Variants in DNAH12 observed in about 807,000 individuals in gnomAD.
The protein encoded by DNAH12 is dynein axonemal heavy chain 12, also known as axonemal beta dynein heavy chain 12.
A neutral mutation model predicts 371.5 loss-of-function variants in DNAH12; 285 were observed. The ratio of observed to expected loss-of-function variants is 0.77; its 90% CI spans 0.70 to 0.85. DNAH12 has a LOEUF of 0.85. Ranked by LOEUF, DNAH12 falls within the 40% of genes least tolerant of loss-of-function variation. The pLI is 0.00. For missense variants in DNAH12, 3,611 were observed against 3,689.4 expected, an observed-to-expected ratio of 0.98 and a Z score of 0.55; for synonymous variants, 1,200 against 1,213.0, an observed-to-expected ratio of 0.99 and a Z score of 0.22.
intron 13 of DNAH12, among the ~76,000 whole-genome samples, chr3:57,482,035 C>A (rs1215429063): frequency 6.6e-6 from 1 of 152,108 alleles, no homozygotes; most frequent in Non-Finnish European, 1.5e-5. Context: ...CCTAAAACAC[C>A]AAAAGCAATG....
chr3:57,374,016 T>C (rs2063231313), intron 55 of DNAH12, among the ~76,000 whole-genome samples: 2 of 152,206 alleles, frequency 1.3e-5, no homozygotes, highest in Admixed American at 6.5e-5. Context: ...GATTTCCTTA[T>C]ATCTTTAATT....
chr3:57,514,393 CAA>C (rs768971639), intron 4 of DNAH12, among the ~76,000 whole-genome samples: 2 of 77,154 alleles, frequency 2.6e-5, no homozygotes, highest in Non-Finnish European at 5.4e-5. Context: ...GACTCTGTCT[CAA>C]AAAAAAAAAA....
intron 17 of DNAH12, among the ~76,000 whole-genome samples, chr3:57,466,890 T>C (rs2066218896): frequency 6.6e-6 from 1 of 151,458 alleles, no homozygotes; most frequent in Non-Finnish European, 1.5e-5. Flanking sequence ...GGACTTCAGG[T>C]GTAGCTGAAT....
rs776439121 is a variant in DNAH12 at position 57,309,806 on chromosome 3, C to T, written c.10945G>A (p.Val3649Ile). The change falls in exon 68 of 74, where the codon GTT (valine) becomes ATT (isoleucine). Residue 3649 changes from valine to isoleucine, a missense_variant. Val to Ile is a conservative substitution (Grantham distance 29). Coordinates refer to ENST00000495027, the MANE Select transcript of DNAH12 (RefSeq NM_001366028.2). ...HPEIFGLHENVDISKDLQQTK... is the reference protein window; with the variant it reads ...HPEIFGLHENIDISKDLQQTK... ...TGTTGAAGATCCTTGGAGATGTCAA[C>T]GTTTTCATGTAATCCAAATATCTCA... 36 of 1,551,000 alleles carry T rather than the reference C, an allele frequency of 2.3e-5. No individual in the cohort carries two copies. Among genetic ancestry groups the T allele is most frequent in the Admixed American group, 7.9e-5 (4 of 50,930 alleles).
At chr3:57,420,244 C>T (rs894273877) in intron 36 of DNAH12, among the ~76,000 whole-genome samples, 1 of 151,816 alleles carries the variant, frequency 6.6e-6, no homozygotes, top group East Asian at 1.9e-4. Flanking sequence ...CCCTGGAGAA[C>T]CCCAGCCCTT....
intron 4 of DNAH12, among the ~76,000 whole-genome samples, chr3:57,516,053 C>CTTTTTTTGTTT (rs2068180004): frequency 2.8e-5 from 2 of 71,964 alleles, no homozygotes; most frequent in South Asian, 7.4e-4. Context: ...ACTGCTTAGT[C>CTTTTTTTGTTT]TTTTTTTTTT....
At chr3:57,455,930 A>G (rs1042328411) in intron 22 of DNAH12, among the ~76,000 whole-genome samples, 7 of 152,258 alleles carry the variant, frequency 4.6e-5, no homozygotes, top group Non-Finnish European at 4.4e-5. Context: ...CAAACTATAA[A>G]TTGAAAACAA....
At chr3:57,503,912 G>T in intron 9 of DNAH12, 104 bp downstream of exon 9, 2 of 930,532 alleles carry the variant, frequency 2.1e-6, no homozygotes, top group Non-Finnish European at 3.0e-6. Flanking sequence ...AATTGGGGGA[G>T]GAAAATAACA....
chr3:57,553,786 T>C, the DNAH12 span, among the ~76,000 whole-genome samples: 5 of 152,046 alleles, frequency 3.3e-5, no homozygotes, highest in South Asian at 2.1e-4. Flanking sequence ...GTCTGACCAA[T>C]TGATGTAGGC....
intron 59 of DNAH12, among the ~76,000 whole-genome samples, chr3:57,354,538 TAAAAAAAA>T (rs1372789364): frequency 1.9e-5 from 1 of 52,906 alleles, no homozygotes; most frequent in Non-Finnish European, 4.4e-5. Context: ...TCTTGTTTGC[TAAAAAAAA>T]AAAGAAAAAA....
chr3:57,372,471 C>T (rs2063195739), intron 55 of DNAH12, among the ~76,000 whole-genome samples: 1 of 151,592 alleles, frequency 6.6e-6, no homozygotes, highest in Non-Finnish European at 1.5e-5. Flanking sequence ...TATTTAATCA[C>T]TCTAAAAGAT....
intron 61 of DNAH12, 39 bp from the exon 62 acceptor site, chr3:57,334,648 G>T (rs1421252270): frequency 6.6e-7 from 1 of 1,519,378 alleles, no homozygotes; most frequent in Non-Finnish European, 8.8e-7. Flanking sequence ...TTTTTATTGG[G>T]AAAAACTTAA....
intron 53 of DNAH12, among the ~76,000 whole-genome samples, chr3:57,376,364 T>C (rs1446049031): frequency 2.0e-5 from 3 of 152,126 alleles, no homozygotes; most frequent in Non-Finnish European, 2.9e-5. Context: ...TTACCAAAAA[T>C]TACATTTAAG....
At chr3:57,348,765 C>T (rs2062604290) in intron 60 of DNAH12, among the ~76,000 whole-genome samples, 1 of 152,168 alleles carries the variant, frequency 6.6e-6, no homozygotes, top group African/African-American at 2.4e-5. Context: ...TTGAAACACT[C>T]AGTATTGTGA....
At chr3:57,335,872 T>A (rs913510574) in intron 60 of DNAH12, among the ~76,000 whole-genome samples, 5 of 152,198 alleles carry the variant, frequency 3.3e-5, no homozygotes, top group Non-Finnish European at 1.5e-5. Context: ...CAACCAGAGT[T>A]GAGTCTTTGT....
intron 57 of DNAH12, among the ~76,000 whole-genome samples, chr3:57,366,067 C>T (rs2063045997): frequency 6.6e-6 from 1 of 151,998 alleles, no homozygotes; most frequent in South Asian, 2.1e-4. Context: ...CATTCTAAGT[C>T]ACAGGATGAG....
chr3:57,405,225 T>G lies in DNAH12; in HGVS notation c.6577-78A>C, dbSNP rs555782070. The G allele has an allele frequency of 5.3e-4, 686 of 1,301,616 alleles. 10 individuals carry two copies. The South Asian group carries it at 9.9e-3, about 19-fold the overall frequency. The allele number at this position is 1,301,616 out of a possible 1,614,324, so 80.6% of individuals were successfully genotyped here. On this transcript the variant is annotated intron_variant, in intron 41 of 73. Coordinates refer to ENST00000495027, the MANE Select transcript of DNAH12 (RefSeq NM_001366028.2). ...TTAAGAAAACAAAATTTTTGTTTCA[T>G]CCATGTTATAAAGTAATTAAGTTTT...
At chr3:57,393,435 G>A (rs2063667428) in intron 44 of DNAH12, among the ~76,000 whole-genome samples, 1 of 151,864 alleles carries the variant, frequency 6.6e-6, no homozygotes, top group Non-Finnish European at 1.5e-5. Flanking sequence ...AGACCATCGT[G>A]GCTAACACGG....
At chr3:57,424,503 C>A (rs11926789) in intron 35 of DNAH12, among the ~76,000 whole-genome samples, 1 of 148,010 alleles carries the variant, frequency 6.8e-6, no homozygotes, top group Non-Finnish European at 1.5e-5. Context: ...AGTTGCCAGG[C>A]GCGGTGGCTC....
Sources: allele counts gnomAD v4.1 joint callset (sites outside exome capture counted in the v4.1 genomes callset), GRCh38; gene constraint gnomAD v4.1.1; transcripts MANE v1.5; gene names NCBI Gene and HGNC (gene_info 2026-07-23, HGNC 2026-07-21).